Variants in KHDRBS3 observed in about 807,000 individuals in gnomAD.
KHDRBS3 encodes KH domain-containing, RNA-binding, signal transduction-associated protein 3.
In KHDRBS3, 23 loss-of-function variants were observed where a neutral mutation model predicts 45.6. That is an observed-to-expected ratio of 0.50 (90% CI 0.36 to 0.72). KHDRBS3 has a LOEUF of 0.72. Ranked by LOEUF, KHDRBS3 falls within the 30% of genes least tolerant of loss-of-function variation. The pLI, the probability that KHDRBS3 is intolerant of heterozygous loss-of-function variation, is 0.00. For missense variants in KHDRBS3, 352 were observed against 424.8 expected, an observed-to-expected ratio of 0.83 and a Z score of 1.51; for synonymous variants, 162 against 156.5, an observed-to-expected ratio of 1.04 and a Z score of -0.26.
At chr8:135,557,424 T>A (rs1265661975) in intron 4 of KHDRBS3, 24 bp from the exon 5 acceptor site, 3 of 1,531,154 alleles carry the variant, frequency 2.0e-6, no homozygotes. Context: ...AAGTGAATTT[T>A]GCTATCTTCT....
chr8:135,648,272 T>C (rs1831361954), downstream of KHDRBS3, among the ~76,000 whole-genome samples: 1 of 152,212 alleles, frequency 6.6e-6, no homozygotes, highest in Non-Finnish European at 1.5e-5. Context: ...TTAATTTGTT[T>C]TAGTAATCTA....
intron 2 of KHDRBS3, chr8:135,538,844 A>G (rs192302135): frequency 1.4e-4 from 22 of 152,312 alleles, no homozygotes; most frequent in African/African-American, 5.1e-4. Flanking sequence ...TCCAAAATAC[A>G]TACTCAGTCC....
chr8:135,592,528 T>C (rs570765605), intron 6 of KHDRBS3, among the ~76,000 whole-genome samples: 87 of 152,298 alleles, frequency 5.7e-4, no homozygotes, highest in African/African-American at 1.9e-3. Flanking sequence ...GAACCTGCCA[T>C]GTTTGTTTTA....
chr8:135,550,777 G>C (rs1297313483), intron 4 of KHDRBS3, among the ~76,000 whole-genome samples: 1 of 151,938 alleles, frequency 6.6e-6, no homozygotes, highest in Admixed American at 6.6e-5. Context: ...GCTAGGATTT[G>C]ATAGATATTA....
intron 1 of KHDRBS3, among the ~76,000 whole-genome samples, chr8:135,485,845 T>C (rs1243104925): frequency 2.2e-5 from 2 of 92,178 alleles, no homozygotes; most frequent in Admixed American, 1.0e-4. Context: ...TTCAAGTTTA[T>C]ATATATATAT....
intron 2 of KHDRBS3, among the ~76,000 whole-genome samples, chr8:135,527,095 T>C (rs563929981): frequency 6.6e-6 from 1 of 152,274 alleles, no homozygotes; most frequent in Non-Finnish European, 1.5e-5. Context: ...TTTTATTCAT[T>C]GGTTCATCCG....
chr8:135,515,703 G>A lies in KHDRBS3; in HGVS notation c.89-5534G>A, dbSNP rs558547796. On this transcript the variant is annotated intron_variant, in intron 1 of 8. Transcript: ENST00000355849. Reference sequence around the variant, plus strand: ...GTCACCACAAATTAACTGCTTTCCTGTGTGCAGTCTGTAGCCCCATCAGGC... The same window carrying A: ...GTCACCACAAATTAACTGCTTTCCTATGTGCAGTCTGTAGCCCCATCAGGC... 1.0e-3 allele frequency among the ~76,000 whole-genome samples: 152 copies of A among 152,256 alleles called. 1 individual carries two copies. The highest frequency in any genetic ancestry group is 3.5e-3 in the African/African-American group (147 of 41,554).
At chr8:135,561,944 T>G (rs1211822257) in intron 5 of KHDRBS3, among the ~76,000 whole-genome samples, 1 of 152,146 alleles carries the variant, frequency 6.6e-6, no homozygotes, top group Non-Finnish European at 1.5e-5. Context: ...TGTTTGTGTT[T>G]TAAGCCAAGT....
intron 7 of KHDRBS3, among the ~76,000 whole-genome samples, chr8:135,642,517 CTG>C (rs1831104122): frequency 1.3e-5 from 2 of 152,138 alleles, no homozygotes. Context: ...TTTTAAAACT[CTG>C]TGGCTACATG....
At chr8:135,548,585 T>C (rs1826426592) in intron 3 of KHDRBS3, among the ~76,000 whole-genome samples, 169 bp from the exon 4 acceptor site, 1 of 152,186 alleles carries the variant, frequency 6.6e-6, no homozygotes, top group South Asian at 2.1e-4. Flanking sequence ...AATATCAGGA[T>C]CACATTTATA....
chr8:135,647,245 GAAAAA>G lies in KHDRBS3; in HGVS notation c.*172_*176del. 1 of 193,300 alleles carries G rather than the reference GAAAAA, an allele frequency of 5.2e-6. No individual in the cohort carries two copies. The highest frequency in any genetic ancestry group is 2.6e-5 in the African/African-American group (1 of 37,914). 12.0% of individuals were successfully genotyped at this position (193,300 alleles called of 1,614,324 possible). A position where few individuals can be genotyped will look rare whatever the true frequency, so the allele number is the denominator to read the frequency against. On this transcript the variant is annotated 3_prime_UTR_variant, in exon 9 of 9. Coordinates refer to ENST00000355849, the MANE Select transcript of KHDRBS3 (RefSeq NM_006558.3). The stretch of plus-strand genomic sequence containing the variant: ...CTTTGTTGAAACATCAACCTGGGCA[GAAAAA>G]AAAAAAAAAAGACATGTAAAATTTT...
At chr8:135,643,672 T>C (rs912114706) in intron 7 of KHDRBS3, among the ~76,000 whole-genome samples, 4 of 152,242 alleles carry the variant, frequency 2.6e-5, no homozygotes, top group Admixed American at 2.6e-4. Flanking sequence ...CTGGTGTCAT[T>C]TTCCTGAGAA....
chr8:135,513,783 G>A (rs1824430048), intron 1 of KHDRBS3, among the ~76,000 whole-genome samples: 1 of 152,064 alleles, frequency 6.6e-6, no homozygotes, highest in African/African-American at 2.4e-5. Context: ...GTATAACCAT[G>A]CAGGACCTTG....
intron 7 of KHDRBS3, among the ~76,000 whole-genome samples, chr8:135,613,017 T>C (rs2131052854): frequency 6.6e-6 from 1 of 152,048 alleles, no homozygotes; most frequent in South Asian, 2.1e-4. Context: ...TGATTCTGGC[T>C]GTGTCTGTCT....
At chr8:135,483,414 G>C (rs543631663) in intron 1 of KHDRBS3, among the ~76,000 whole-genome samples, 1 of 152,296 alleles carries the variant, frequency 6.6e-6, no homozygotes, top group African/African-American at 2.4e-5. Flanking sequence ...GCCCATGCTG[G>C]CTGTCATTGC....
intron 5 of KHDRBS3, among the ~76,000 whole-genome samples, chr8:135,566,798 A>G (rs1003834461): frequency 6.6e-6 from 1 of 152,226 alleles, no homozygotes; most frequent in African/African-American, 2.4e-5. Context: ...CCCAGGAAGC[A>G]GACGTTGCAG....
chr8:135,550,754 T>TA (rs1045159580), intron 4 of KHDRBS3, among the ~76,000 whole-genome samples: 9 of 151,908 alleles, frequency 5.9e-5, no homozygotes, highest in Non-Finnish European at 1.0e-4. Flanking sequence ...TAATTTCTAT[T>TA]AAAAAAAAGC....
chr8:135,575,409 A>G (rs1382070501), intron 5 of KHDRBS3, among the ~76,000 whole-genome samples: 1 of 152,162 alleles, frequency 6.6e-6, no homozygotes, highest in Non-Finnish European at 1.5e-5. Context: ...GTCCTTCCCC[A>G]GCTCCACAGA....
At chr8:135,627,570 A>C (rs1004529773) in intron 7 of KHDRBS3, among the ~76,000 whole-genome samples, 1 of 152,278 alleles carries the variant, frequency 6.6e-6, no homozygotes, top group Admixed American at 6.5e-5. Context: ...ACCTTTTAAC[A>C]TACAAATTAG....
Sources: allele counts gnomAD v4.1 joint callset (sites outside exome capture counted in the v4.1 genomes callset), GRCh38; gene constraint gnomAD v4.1.1; transcripts MANE v1.5; gene names NCBI Gene and HGNC (gene_info 2026-07-23, HGNC 2026-07-21).